The following CAPN1 variants were observed in gnomAD, a reference collection of about 807,000 sequenced individuals.
CAPN1 encodes the protein calpain-1 catalytic subunit.
CAPN1 carries 77 observed loss-of-function variants against 105.2 expected under a neutral mutation model. The ratio of observed to expected loss-of-function variants is 0.73; its 90% CI spans 0.61 to 0.88. The LOEUF (loss-of-function observed/expected upper bound fraction) is 0.88. Ranked by LOEUF, CAPN1 falls within the 40% of genes least tolerant of loss-of-function variation. The pLI is 0.00. For missense variants in CAPN1, 833 were observed against 976.6 expected (o/e 0.85, Z 1.96); for synonymous variants, 355 against 388.8 (o/e 0.91, Z 1.02).
rs1324056623 is a variant in CAPN1, at chr11:65,208,132, C to A, written c.1671+12C>A. 6.2e-7 allele frequency: 1 copy of A among 1,605,866 alleles called. No individual in the cohort carries two copies. Among genetic ancestry groups the A allele is most frequent in the Non-Finnish European group, 8.5e-7 (1 of 1,176,278 alleles). ...AGCTGGCAGGGGAGGTAGGTTGGGG[C>A]ATGGCAGGTTGGGAGGGGCCTGTGA... is the stretch of plus-strand genomic sequence containing the variant. On this transcript the variant is annotated intron_variant, in intron 15 of 21. Transcript: ENST00000279247. The surrounding 1 kb of genome is among the most constrained non-coding windows in gnomAD (Gnocchi z 4.1).
chr11:65,201,324 C>G (rs549777774), intron 10 of CAPN1, among the ~76,000 whole-genome samples: 1 of 151,830 alleles, frequency 6.6e-6, no homozygotes, highest in Non-Finnish European at 1.5e-5. Flanking sequence ...TGGGCTCAAG[C>G]AGTCCTCCCA....
chr11:65,184,011 C>T (rs1301790794), intron 4 of CAPN1, among the ~76,000 whole-genome samples: 3 of 152,246 alleles, frequency 2.0e-5, no homozygotes, highest in Admixed American at 1.3e-4. Flanking sequence ...TCTGACTGAG[C>T]CCAGCAGAAA....
At chr11:65,203,706 T>C (rs575156054) in intron 10 of CAPN1, 1 of 152,318 alleles carries the variant, frequency 6.6e-6, no homozygotes, top group Admixed American at 6.5e-5. Flanking sequence ...TTCATTTCTC[T>C]TGGGTATAGA....
At position 65,206,530 on chromosome 11, in the gene CAPN1, C is replaced by T. The variant is rs766618916; in HGVS notation, c.1421C>T (p.Ser474Leu). ...FFLANASRAR[S>L]EQFINLREVS... ...CTGGCCAATGCGTCTCGGGCGCGCT[C>T]AGAGCAGTTCATCAACCTGCGAGAG... The change falls in exon 13 of 22, where the codon TCA (serine) becomes TTA (leucine). Residue 474 changes from serine (S) to leucine (L), a missense_variant. By Grantham distance (145) the Ser-to-Leu change is moderately radical. Transcript: ENST00000279247. The T allele has an allele frequency of 8.1e-6, 13 of 1,613,490 alleles. No homozygotes were observed. In the East Asian group the frequency reaches 2.5e-4, roughly 30 times the overall value.
chr11:65,207,482 G>A (rs1314218645), intron 14 of CAPN1, among the ~76,000 whole-genome samples: 1 of 151,698 alleles, frequency 6.6e-6, no homozygotes, highest in Non-Finnish European at 1.5e-5. Flanking sequence ...TTACAGGTGT[G>A]AGCCACCGCA....
chr11:65,210,248 C>T lies in CAPN1; in HGVS notation c.1943-88C>T. The T allele has an allele frequency of 8.5e-7, 1 of 1,170,524 alleles. No individual in the cohort carries two copies. Among genetic ancestry groups the T allele is most frequent in the Admixed American group, 1.9e-5 (1 of 52,016 alleles). The allele number at this position is 1,170,524 out of a possible 1,614,324, so 72.5% of individuals were successfully genotyped here. A position where few individuals can be genotyped will look rare whatever the true frequency, so the allele number is the denominator to read the frequency against. On this transcript the variant is annotated intron_variant, in intron 19 of 21. Transcript: ENST00000279247. This position sits in a 1 kb window ranked among gnomAD's most constrained non-coding sequence, Gnocchi z 4.3. The stretch of plus-strand genomic sequence containing the variant: ...ACGGTTACTAGCACCCTGCCTAGCC[C>T]CAGCCCCCTCCTGGGGACCCAACCC...
In CAPN1 at chr11:65,211,435, G is replaced by T; in HGVS notation, c.*149G>T. 1 of 729,434 alleles carries T rather than the reference G, an allele frequency of 1.4e-6. No individual in the cohort carries two copies. The highest frequency in any genetic ancestry group is 2.4e-6 in the Non-Finnish European group (1 of 419,300). 45.2% of individuals were successfully genotyped at this position (729,434 alleles called of 1,614,324 possible). ...CGTCCTCCTGTCCCCTCTCCTCCCA[G>T]CCACCATCGTTCATCTGCTCCGGGC... On this transcript the variant is annotated 3_prime_UTR_variant, in exon 22 of 22. Coordinates refer to ENST00000279247, the MANE Select transcript of CAPN1 (RefSeq NM_005186.4).
At chr11:65,193,893 T>C (rs1194378113) in intron 10 of CAPN1, among the ~76,000 whole-genome samples, 2 of 150,952 alleles carry the variant, frequency 1.3e-5, no homozygotes, top group Non-Finnish European at 2.9e-5. Flanking sequence ...CAGTGCCTGG[T>C]AGTATTTTTT....
intron 10 of CAPN1, among the ~76,000 whole-genome samples, chr11:65,202,986 C>T (rs1318916257): frequency 6.6e-6 from 1 of 152,166 alleles, no homozygotes; most frequent in African/African-American, 2.4e-5. Flanking sequence ...TCATATAATA[C>T]ATGGTCCTTT....
intron 4 of CAPN1, 154 bp from the exon 5 acceptor site, chr11:65,185,763 A>T: frequency 1.4e-6 from 1 of 723,172 alleles, no homozygotes; most frequent in South Asian, 2.1e-5. Context: ...GACCTAGTAT[A>T]CATCTAGTAT....
Position 65,187,434 on chromosome 11 carries a change from T to A in CAPN1, c.843+136T>A, listed in dbSNP as rs1046213235. 1.1e-5 allele frequency: 7 copies of A among 643,014 alleles called. No individual in the cohort carries two copies. The African/African-American group carries it at 1.3e-4, about 12-fold the overall frequency. 39.8% of individuals were successfully genotyped at this position (643,014 alleles called of 1,614,324 possible). On this transcript the variant is annotated intron_variant, in intron 7 of 21. Transcript: ENST00000279247. ...CTCCTGCAGCACCTTATCTCTCTTC[T>A]GGGGACACCCATCTGAGATGCCTAT...
chr11:65,181,684 C>G (rs532781711), upstream of CAPN1: 473 of 324,340 alleles, frequency 1.5e-3, 2 homozygotes, highest in African/African-American at 9.3e-3. This position sits in a 1 kb window ranked among gnomAD's most constrained non-coding sequence, Gnocchi z 4.6. Context: ...CCCATCCCCC[C>G]CCGCGCTGGC....
upstream of CAPN1, chr11:65,181,400 C>T: frequency 4.0e-6 from 1 of 252,530 alleles, no homozygotes; most frequent in South Asian, 3.1e-5. The surrounding 1 kb of genome is among the most constrained non-coding windows in gnomAD (Gnocchi z 4.6). Flanking sequence ...GAGCAGCTGC[C>T]GCAGCCCGAG....
rs542565372 is a variant in CAPN1 at position 65,208,233 on chromosome 11, G to A, written c.1700G>A (p.Arg567Gln). The change falls in exon 16 of 22, where the codon CGG (arginine) becomes CAG (glutamine). Residue 567 changes from arginine (R) to glutamine (Q), a missense_variant. Physicochemically the swap from Arg to Gln is conservative, Grantham distance 43 (BLOSUM62 1). Transcript: ENST00000279247. This position sits in a 1 kb window ranked among gnomAD's most constrained non-coding sequence, Gnocchi z 4.1. ...EDMEISVKEL[R>Q]TILNRIISKH... ...ATGGAGATCAGCGTGAAGGAGTTGC[G>A]GACAATCCTCAATAGGATCATCAGC... is the stretch of plus-strand genomic sequence containing the variant. 147 of 1,573,696 alleles carry A rather than the reference G, an allele frequency of 9.3e-5. 2 individuals carry two copies. In the South Asian group the frequency reaches 1.2e-3, roughly 13 times the overall value.
At chr11:65,204,507 C>T (rs1302346622) in intron 10 of CAPN1, among the ~76,000 whole-genome samples, 176 bp from the exon 11 acceptor site, 1 of 152,224 alleles carries the variant, frequency 6.6e-6, no homozygotes, top group East Asian at 1.9e-4. Context: ...CAAATGCAGG[C>T]CGTGAGGGCA....
rs532410562 is a variant in CAPN1 at position 65,208,806 on chromosome 11, A to C, written c.1730-517A>C. 4 of 214,204 alleles carry C rather than the reference A, an allele frequency of 1.9e-5. No individual in the cohort carries two copies. The South Asian group carries it at 3.0e-4, about 16-fold the overall frequency. 13.3% of individuals were successfully genotyped at this position (214,204 alleles called of 1,614,324 possible). On this transcript the variant is annotated intron_variant, in intron 16 of 21. Transcript: ENST00000279247. The surrounding 1 kb of genome is among the most constrained non-coding windows in gnomAD (Gnocchi z 4.1). The stretch of plus-strand genomic sequence containing the variant: ...AAAAAAAAAGCAGGAGCAGCACCTT[A>C]GTGCCAAAGAAAAGTCTACCTTTCC...
chr11:65,205,661 G>A (rs753001311), intron 11 of CAPN1, 49 bp from the exon 12 acceptor site: 28 of 1,604,474 alleles, frequency 1.7e-5, no homozygotes, highest in African/African-American at 6.7e-5. Context: ...CTGTGACCCC[G>A]CCCTGGGACA....
At chr11:65,190,703 G>GTT (rs781281135) in intron 10 of CAPN1, among the ~76,000 whole-genome samples, 54,450 of 147,722 alleles carry the variant, frequency 0.37, 11,236 homozygotes, top group Non-Finnish European at 0.48. Context: ...TTTGTTGTTG[G>GTT]TTTTTTTTGT....
rs1487718740 is a variant in CAPN1, at chr11:65,186,313, G to T, written c.734G>T (p.Gly245Val). Residue 245 changes from glycine to valine, a missense_variant, in exon 6 of 22, where the codon GGC becomes GTC. By Grantham distance (109) the Gly-to-Val change is moderately radical. Transcript: ENST00000279247. ...YQIILKALER[G>V]SLLGCSIDIS... ...ATCATCCTCAAGGCGCTGGAGCGGG[G>T]CTCCCTGCTGGGCTGCTCCATAGAC... The T allele has an allele frequency of 6.2e-7, 1 of 1,612,818 alleles. No individual in the cohort carries two copies. The highest frequency in any genetic ancestry group is 1.7e-5 in the Admixed American group (1 of 59,910).
Sources: allele counts gnomAD v4.1 joint callset (sites outside exome capture counted in the v4.1 genomes callset), GRCh38; gene constraint gnomAD v4.1.1; non-coding constraint Gnocchi (gnomAD v3.1); transcripts MANE v1.5; gene names NCBI Gene and HGNC (gene_info 2026-07-23, HGNC 2026-07-21).